The following FRMD5 variants were observed in gnomAD, a reference collection of about 807,000 sequenced individuals.
FRMD5 encodes FERM domain-containing protein 5.
FRMD5 carries 20 observed loss-of-function variants against 69.0 expected under a neutral mutation model. The observed-to-expected ratio is 0.29, with a 90% CI of 0.20 to 0.42. The LOEUF is 0.42. FRMD5 is among the 10% of genes least tolerant of loss of function. The probability of loss-of-function intolerance (pLI) is 1.00; values close to 1 mark genes in which losing one functional copy is unlikely to be tolerated. For missense variants in FRMD5, 595 were observed against 708.6 expected, an observed-to-expected ratio of 0.84 and a Z score of 1.82; for synonymous variants, 271 against 260.1, an observed-to-expected ratio of 1.04 and a Z score of -0.40.
At chr15:44,000,248 A>G (rs1399076011) in intron 1 of FRMD5, among the ~76,000 whole-genome samples, 2 of 151,886 alleles carry the variant, frequency 1.3e-5, no homozygotes, top group African/African-American at 4.8e-5. Context: ...CAGTCTCCCA[A>G]AATGCTGAGA....
chr15:43,968,551 T>C (rs922701262), intron 1 of FRMD5, among the ~76,000 whole-genome samples: 2 of 152,194 alleles, frequency 1.3e-5, no homozygotes, highest in South Asian at 4.1e-4. Flanking sequence ...GTTTCTTTTT[T>C]CCAAGCTGGA....
At chr15:44,163,702 A>T (rs899602101) in intron 1 of FRMD5, among the ~76,000 whole-genome samples, 1 of 152,334 alleles carries the variant, frequency 6.6e-6, no homozygotes, top group Non-Finnish European at 1.5e-5. Context: ...CCAAGTATTC[A>T]TTCTTTACCA....
chr15:43,929,388 A>C (rs1199075699), intron 1 of FRMD5, among the ~76,000 whole-genome samples: 1 of 152,224 alleles, frequency 6.6e-6, no homozygotes, highest in Non-Finnish European at 1.5e-5. Flanking sequence ...AGAGAAGCCA[A>C]GATGCAGAAA....
chr15:43,915,668 T>C (rs2089373584), intron 4 of FRMD5, among the ~76,000 whole-genome samples: 1 of 152,150 alleles, frequency 6.6e-6, no homozygotes, highest in Non-Finnish European at 1.5e-5. Context: ...ACTTTAAAAA[T>C]GACAAAAGAA....
intron 1 of FRMD5, among the ~76,000 whole-genome samples, chr15:43,929,732 C>T (rs2089643223): frequency 6.6e-6 from 1 of 152,176 alleles, no homozygotes; most frequent in African/African-American, 2.4e-5. Flanking sequence ...TCCTTGGAGG[C>T]CTGCCGGGGA....
chr15:44,155,703 C>G (rs1241629738), intron 1 of FRMD5, among the ~76,000 whole-genome samples: 1 of 151,762 alleles, frequency 6.6e-6, no homozygotes, highest in East Asian at 2.0e-4. Flanking sequence ...AAGCGATTCT[C>G]CTGCCTCAGC....
intron 1 of FRMD5, among the ~76,000 whole-genome samples, chr15:44,051,218 C>T (rs1892651514): frequency 8.4e-6 from 1 of 119,562 alleles, no homozygotes; most frequent in African/African-American, 3.2e-5. Flanking sequence ...GTCATGCAAT[C>T]TCTGCTCACT....
chr15:44,016,888 G>A (rs1890986143), intron 1 of FRMD5, among the ~76,000 whole-genome samples: 1 of 150,132 alleles, frequency 6.7e-6, no homozygotes, highest in African/African-American at 2.5e-5. Flanking sequence ...AGGTTGGAAT[G>A]CAGTGATAAG....
chr15:43,944,718 T>C (rs2089916056), intron 1 of FRMD5, among the ~76,000 whole-genome samples: 2 of 152,124 alleles, frequency 1.3e-5, no homozygotes, highest in Admixed American at 1.3e-4. Flanking sequence ...GCCTCCCAAG[T>C]AGCTGGGACT....
chr15:44,152,129 G>A (rs1244452542), intron 1 of FRMD5, among the ~76,000 whole-genome samples: 1 of 152,152 alleles, frequency 6.6e-6, no homozygotes, highest in African/African-American at 2.4e-5. Flanking sequence ...AGAATTGCTT[G>A]AACCTGGGAG....
chr15:43,945,557 G>T (rs28548859), intron 1 of FRMD5, among the ~76,000 whole-genome samples: 35,330 of 152,032 alleles, frequency 0.23, 7,149 homozygotes, highest in African/African-American at 0.55. Flanking sequence ...ACCTGAGCCT[G>T]TTATATGATT....
intron 1 of FRMD5, among the ~76,000 whole-genome samples, chr15:43,946,451 C>T (rs992327036): frequency 6.6e-6 from 1 of 152,188 alleles, no homozygotes; most frequent in Non-Finnish European, 1.5e-5. Context: ...TTTATTTACA[C>T]ACATTATTTC....
chr15:44,090,939 C>T (rs2076463711), intron 1 of FRMD5, among the ~76,000 whole-genome samples: 1 of 152,096 alleles, frequency 6.6e-6, no homozygotes, highest in Non-Finnish European at 1.5e-5. Flanking sequence ...AGAAAATGGG[C>T]AATTCAAGAC....
chr15:43,951,421 C>CA (rs11375060), intron 1 of FRMD5, among the ~76,000 whole-genome samples: 24,571 of 102,370 alleles, frequency 0.24, 4,885 homozygotes, highest in African/African-American at 0.56. Context: ...GACTCCATCT[C>CA]AAAAAAAAAA....
At chr15:44,017,981 T>C (rs1377557114) in intron 1 of FRMD5, among the ~76,000 whole-genome samples, 1 of 152,138 alleles carries the variant, frequency 6.6e-6, no homozygotes, top group Non-Finnish European at 1.5e-5. Context: ...TAAGTCCCAC[T>C]GCCTAGGAAA....
intron 1 of FRMD5, among the ~76,000 whole-genome samples, chr15:44,121,988 C>CAAAAAAAA (rs34129381): frequency 1.4e-5 from 1 of 70,008 alleles, no homozygotes; most frequent in Non-Finnish European, 3.0e-5. Flanking sequence ...AAGGGAGACT[C>CAAAAAAAA]AAAAAAAAAA....
At chr15:44,019,007 GC>G (rs1328379963) in intron 1 of FRMD5, among the ~76,000 whole-genome samples, 2 of 151,928 alleles carry the variant, frequency 1.3e-5, no homozygotes, top group Non-Finnish European at 2.9e-5. Context: ...CGATTCTCCT[GC>G]CCTAGCCTCC....
At chr15:43,973,146 C>T (rs1014656591) in intron 1 of FRMD5, among the ~76,000 whole-genome samples, 13 of 152,174 alleles carry the variant, frequency 8.5e-5, no homozygotes, top group African/African-American at 3.1e-4. Flanking sequence ...CCTCAGCCTC[C>T]CGAGTAGCTG....
intron 1 of FRMD5, among the ~76,000 whole-genome samples, chr15:44,130,787 T>C (rs1171425272): frequency 6.6e-6 from 1 of 152,146 alleles, no homozygotes; most frequent in African/African-American, 2.4e-5. Flanking sequence ...TGCATAGATT[T>C]ACAGATTTAC....
Sources: gnomAD v4.1 joint callset for allele counts (sites outside exome capture counted in the v4.1 genomes callset) on GRCh38, gnomAD v4.1.1 for gene constraint, MANE v1.5 for transcripts, NCBI Gene and HGNC (gene_info 2026-07-23, HGNC 2026-07-21) for gene names.